Variants in SUCO observed in about 807,000 individuals in gnomAD.
SUCO encodes SUN domain containing ossification factor.
In SUCO, 57 loss-of-function variants were observed where a neutral mutation model predicts 148.1. The observed-to-expected ratio is 0.38, with a 90% CI of 0.31 to 0.48. SUCO has a LOEUF of 0.48. Among genes scored for constraint, SUCO ranks in the 20% least tolerant of loss-of-function variants. SUCO has a pLI of 0.96. For synonymous variants in SUCO, 470 were observed against 502.7 expected, an observed-to-expected ratio of 0.93 and a Z score of 0.87; for missense variants, 1,331 against 1,468.2, an observed-to-expected ratio of 0.91 and a Z score of 1.53.
intron 15 of SUCO, among the ~76,000 whole-genome samples, chr1:172,584,150 G>A (rs1372320327): frequency 6.6e-6 from 1 of 152,100 alleles, no homozygotes; most frequent in Non-Finnish European, 1.5e-5. Flanking sequence ...TTGATTCTAT[G>A]CAATATCAAT....
At chr1:172,572,141 C>T (rs1198885992) in intron 9 of SUCO, among the ~76,000 whole-genome samples, 5 of 138,428 alleles carry the variant, frequency 3.6e-5, no homozygotes, top group South Asian at 2.5e-4. Context: ...TCTGCCCGGC[C>T]GCCCCTACTG....
intron 11 of SUCO, among the ~76,000 whole-genome samples, chr1:172,576,231 C>G (rs1655429478): frequency 6.9e-6 from 1 of 144,442 alleles, no homozygotes. Context: ...TCCTTCCTTT[C>G]CTCTTTTTTT....
At chr1:172,545,760 A>G (rs1275537756) in intron 1 of SUCO, among the ~76,000 whole-genome samples, 1 of 152,204 alleles carries the variant, frequency 6.6e-6, no homozygotes, top group Non-Finnish European at 1.5e-5. Flanking sequence ...ATAATAACTG[A>G]CATTTCAGCA....
chr1:172,599,891 G>A (rs181433445), intron 19 of SUCO, among the ~76,000 whole-genome samples, 173 bp from the exon 20 acceptor site: 99 of 152,132 alleles, frequency 6.5e-4, no homozygotes, highest in East Asian at 1.9e-4. Flanking sequence ...CAGATACTTC[G>A]TGTTTTGTTT....
rs1657972290 is a variant in SUCO at position 172,608,051 on chromosome 1, G to A, written c.3266-696G>A. 4.1e-6 allele frequency: 4 copies of A among 983,316 alleles called. No individual in the cohort carries two copies. The South Asian group carries it at 1.4e-4, about 35-fold the overall frequency. The allele number at this position is 983,316 out of a possible 1,614,324, so 60.9% of individuals were successfully genotyped here. On this transcript the variant is annotated intron_variant, in intron 22 of 23. Transcript: ENST00000263688. ...ATGTGTGTCTATTTTGTCAGTGTGG[G>A]GGTGGGGTTGGGATATATCTTGAAG...
chr1:172,557,465 C>T (rs1653834476), intron 5 of SUCO, 48 bp downstream of exon 5: 4 of 1,607,754 alleles, frequency 2.5e-6, no homozygotes, highest in Non-Finnish European at 3.4e-6. Context: ...GTAATAACAG[C>T]AGTGTCCTGT....
intron 1 of SUCO, among the ~76,000 whole-genome samples, chr1:172,548,724 T>A (rs1166081967): frequency 6.6e-6 from 1 of 152,034 alleles, no homozygotes; most frequent in African/African-American, 2.4e-5. Context: ...GAGAATATAA[T>A]CTTTTAGAGC....
chr1:172,596,586 G>T (rs1432340791), intron 19 of SUCO, among the ~76,000 whole-genome samples: 1 of 152,236 alleles, frequency 6.6e-6, no homozygotes, highest in African/African-American at 2.4e-5. Flanking sequence ...CACCAGTGGA[G>T]GCTGCAGAAC....
chr1:172,548,495 T>C (rs1205124333), intron 1 of SUCO, among the ~76,000 whole-genome samples: 1 of 152,064 alleles, frequency 6.6e-6, no homozygotes, highest in Admixed American at 6.5e-5. Context: ...ATTAGCTCTT[T>C]TGTTTTCAGC....
intron 10 of SUCO, among the ~76,000 whole-genome samples, chr1:172,574,314 ACT>A (rs1191356696): frequency 6.6e-6 from 1 of 151,822 alleles, no homozygotes; most frequent in Non-Finnish European, 1.5e-5. Flanking sequence ...CAGAACTACA[ACT>A]CTGACTTCAA....
chr1:172,550,020 A>G (rs928677636), intron 1 of SUCO, among the ~76,000 whole-genome samples: 1 of 151,900 alleles, frequency 6.6e-6, no homozygotes, highest in African/African-American at 2.4e-5. Flanking sequence ...GGTGCTTCTG[A>G]TAAACTAACC....
intron 6 of SUCO, among the ~76,000 whole-genome samples, chr1:172,562,452 G>A (rs1410276402): frequency 6.6e-6 from 1 of 151,352 alleles, no homozygotes; most frequent in Admixed American, 6.6e-5. Context: ...TCTTGCCTCA[G>A]CCTCCCATAG....
chr1:172,582,376 TG>T (rs1439046318), intron 15 of SUCO, among the ~76,000 whole-genome samples: 1 of 152,148 alleles, frequency 6.6e-6, no homozygotes, highest in Non-Finnish European at 1.5e-5. Context: ...TTCAGCAGCC[TG>T]GAAAAATGTT....
chr1:172,609,239 C>T, intron 23 of SUCO: 30 of 983,230 alleles, frequency 3.1e-5, no homozygotes, highest in Non-Finnish European at 3.6e-5. Context: ...AATAAAAAAA[C>T]AGCAACTCAG....
rs571037415 is a variant in SUCO at position 172,601,469 on chromosome 1, A to T, written c.3019-595A>T. Among the ~76,000 whole-genome samples, 234 of 150,824 alleles carry T rather than the reference A, an allele frequency of 1.6e-3. 1 individual carries two copies. Among genetic ancestry groups the T allele is most frequent in the African/African-American group, 5.5e-3 (223 of 40,864 alleles). ...AGCCAAGGTCACACCACTGCATTCC[A>T]GCCTGGGCAACAGAGCAAGGCTCTG... is the stretch of plus-strand genomic sequence containing the variant. On this transcript the variant is annotated intron_variant, in intron 20 of 23. Transcript: ENST00000263688.
chr1:172,592,836 G>C (rs1005025250), intron 19 of SUCO, among the ~76,000 whole-genome samples: 1 of 152,144 alleles, frequency 6.6e-6, no homozygotes, highest in African/African-American at 2.4e-5. Flanking sequence ...GGCTTGATGG[G>C]GATAGCATTG....
chr1:172,593,278 C>G (rs1426041675), intron 19 of SUCO, among the ~76,000 whole-genome samples: 1 of 152,170 alleles, frequency 6.6e-6, no homozygotes, highest in African/African-American at 2.4e-5. Flanking sequence ...CTTTCTCCTG[C>G]CTGATTGCCC....
intron 10 of SUCO, 152 bp from the exon 11 acceptor site, chr1:172,575,366 A>G (rs1655357656): frequency 1.9e-6 from 1 of 526,704 alleles, no homozygotes; most frequent in East Asian, 3.1e-5. Flanking sequence ...GTTGGAAAAG[A>G]AAATGTATTA....
At chr1:172,574,644 G>A (rs1048833565) in intron 10 of SUCO, among the ~76,000 whole-genome samples, 43 of 151,826 alleles carry the variant, frequency 2.8e-4, no homozygotes, top group African/African-American at 9.9e-4. Flanking sequence ...TCTTTTACAC[G>A]TATCATTTTT....
Sources: gnomAD v4.1 joint callset for allele counts (sites outside exome capture counted in the v4.1 genomes callset) on GRCh38, gnomAD v4.1.1 for gene constraint, MANE v1.5 for transcripts, NCBI Gene and HGNC (gene_info 2026-07-23, HGNC 2026-07-21) for gene names.